CEP290: variants seen among roughly 807,000 people sequenced by gnomAD.
CEP290 encodes the protein centrosomal protein of 290 kDa.
Under a neutral mutation model 344.9 loss-of-function variants are expected in CEP290, and 317 were observed. The ratio of observed to expected loss-of-function variants is 0.92; its 90% CI spans 0.84 to 1.01. CEP290 has a LOEUF of 1.01. Among genes scored for constraint, CEP290 ranks in the 50% least tolerant of loss-of-function variants. The probability of loss-of-function intolerance (pLI) is 0.00; values close to 1 mark genes in which losing one functional copy is unlikely to be tolerated. For synonymous variants in CEP290, 932 were observed against 895.8 expected, an observed-to-expected ratio of 1.04 and a Z score of -0.72; for missense variants, 2,754 against 2,761.4, an observed-to-expected ratio of 1.00 and a Z score of 0.06.
chr12:88,109,007 C>T, intron 23 of CEP290, 59 bp downstream of exon 23: 1 of 575,960 alleles, frequency 1.7e-6, no homozygotes, highest in Non-Finnish European at 3.0e-6. Context: ...TCTTACGTTA[C>T]TTTCACAATT....
intron 12 of CEP290, among the ~76,000 whole-genome samples, chr12:88,125,788 T>A (rs1355614094): frequency 6.6e-6 from 1 of 152,100 alleles, no homozygotes; most frequent in Non-Finnish European, 1.5e-5. Flanking sequence ...GTAATTGTTC[T>A]TATTCAGCAT....
intron 11 of CEP290, among the ~76,000 whole-genome samples, 199 bp from the exon 12 acceptor site, chr12:88,126,637 T>A (rs2039749801): frequency 6.6e-6 from 1 of 152,106 alleles, no homozygotes; most frequent in Non-Finnish European, 1.5e-5. Flanking sequence ...AGAAAATGAT[T>A]TTAAAATATA....
rs1468563363 is a variant in CEP290, at chr12:88,111,765, T to C, written c.2146A>G (p.Arg716Gly). The C allele has an allele frequency of 6.2e-7, 1 of 1,607,276 alleles. No individual in the cohort carries two copies. Among genetic ancestry groups the C allele is most frequent in the Admixed American group, 1.7e-5 (1 of 58,910 alleles). The change falls in exon 21 of 54, where the codon AGA (arginine) becomes GGA (glycine). Residue 716 changes from arginine to glycine, a missense_variant. Coordinates refer to ENST00000552810, the MANE Select transcript of CEP290 (RefSeq NM_025114.4). ...TTCCGAGATTCCCTGAGCTCCTGTC[T>C]TAATTCTTCATTTCTTCCGGTAAGC... ...DQLTGRNEELRQELRESRKEA... is the reference protein window; with the variant it reads ...DQLTGRNEELGQELRESRKEA...
At chr12:88,092,411 T>G (rs572669052) in intron 29 of CEP290, among the ~76,000 whole-genome samples, 2 of 152,098 alleles carry the variant, frequency 1.3e-5, no homozygotes. Flanking sequence ...AAAATCAATA[T>G]GTGGAGGAAC....
intron 2 of CEP290, 72 bp downstream of exon 2, chr12:88,141,133 AT>A (rs1565932954): frequency 5.4e-6 from 7 of 1,306,860 alleles, no homozygotes; most frequent in East Asian, 2.7e-5. Context: ...CCTGAAAAAA[AT>A]AAATTCATAT....
chr12:88,052,836 T>C (rs2033670832), intron 52 of CEP290, among the ~76,000 whole-genome samples: 1 of 152,148 alleles, frequency 6.6e-6, no homozygotes, highest in African/African-American at 2.4e-5. Context: ...TCAAATCCCT[T>C]CCACCAGGCC....
chr12:88,117,048 A>C lies in CEP290; in HGVS notation c.1809T>G (p.Ser603Arg), dbSNP rs1305945843. ...TTACTATTACCTTTGATTGTGCTTCACTCATATTTTTGAGGCTCAATAAAT... is the reference window on the plus strand; with the variant it reads ...TTACTATTACCTTTGATTGTGCTTCCCTCATATTTTTGAGGCTCAATAAAT... ...KLDLLSLKNM[S>R]EAQSKNEFLS... is the part of the protein sequence containing the mutation. Residue 603 changes from serine (S) to arginine (R), a missense_variant, in exon 18 of 54, where the codon AGT becomes AGG. Physicochemically the swap from Ser to Arg is moderately radical, Grantham distance 110. Coordinates refer to ENST00000552810, the MANE Select transcript of CEP290 (RefSeq NM_025114.4). 2 of 1,480,004 alleles carry C rather than the reference A, an allele frequency of 1.4e-6. No individual in the cohort carries two copies. The highest frequency in any genetic ancestry group is 4.7e-5 in the East Asian group (2 of 42,358). 91.7% of individuals were successfully genotyped at this position (1,480,004 alleles called of 1,614,324 possible). A position where few individuals can be genotyped will look rare whatever the true frequency, so the allele number is the denominator to read the frequency against.
chr12:88,086,111 G>A lies in CEP290; in HGVS notation c.4365C>T (p.Ile1455=), dbSNP rs552731286. ...TGTTCTCCTTAATTTTCCTTAGAGCGATCTCAAGTTGATTTGGAAGGGGCA... is the reference window on the plus strand; with the variant it reads ...TGTTCTCCTTAATTTTCCTTAGAGCAATCTCAAGTTGATTTGGAAGGGGCA... ...PSLPLPNQLE[I]ALRKIKENIR... is the part of the protein sequence containing the mutation. The change falls in exon 34 of 54, where the codon ATC becomes ATT. Residue 1455 remains isoleucine, a synonymous_variant. Transcript: ENST00000552810. The A allele has an allele frequency of 3.1e-6, 5 of 1,612,826 alleles. No individual in the cohort carries two copies. The highest frequency in any genetic ancestry group is 3.3e-5 in the Admixed American group (2 of 59,952).
chr12:88,139,002 T>A, intron 5 of CEP290, 143 bp downstream of exon 5: 1 of 523,132 alleles, frequency 1.9e-6, no homozygotes, highest in Non-Finnish European at 3.5e-6. Context: ...ATAATAGGCA[T>A]GTAGAACATA....
chr12:88,117,855 G>C (rs1322095759), intron 17 of CEP290, among the ~76,000 whole-genome samples: 1 of 151,914 alleles, frequency 6.6e-6, no homozygotes, highest in Non-Finnish European at 1.5e-5. Context: ...GGCCAACATG[G>C]TGAAACCCTG....
chr12:88,060,347 CAGG>C (rs993211322), intron 47 of CEP290, among the ~76,000 whole-genome samples: 104 of 152,288 alleles, frequency 6.8e-4, no homozygotes, highest in African/African-American at 2.5e-3. Flanking sequence ...ATCACGAGGT[CAGG>C]AGATCGAGAC....
At position 88,077,206 on chromosome 12, in the gene CEP290, A is replaced by G; in HGVS notation, c.5709+16T>C. ...CACTACCTTAAGCATATAAGTCAGT[A>G]TGTTTCTTCACATACCTTTTCTTTC... On this transcript the variant is annotated intron_variant, in intron 41 of 53. Transcript: ENST00000552810. The G allele has an allele frequency of 1.3e-6, 2 of 1,598,062 alleles. No individual in the cohort carries two copies. Among genetic ancestry groups the G allele is most frequent in the Non-Finnish European group, 1.7e-6 (2 of 1,174,786 alleles).
At chr12:88,115,238 A>G (rs2137797628) in intron 18 of CEP290, 56 bp from the exon 19 acceptor site, 1 of 969,126 alleles carries the variant, frequency 1.0e-6, no homozygotes, top group African/African-American at 1.7e-5. Flanking sequence ...TCACAAGTCT[A>G]TAATTTTCAA....
intron 7 of CEP290, among the ~76,000 whole-genome samples, chr12:88,130,957 T>C (rs1038693052): frequency 2.0e-5 from 3 of 152,114 alleles, no homozygotes; most frequent in Non-Finnish European, 1.5e-5. Flanking sequence ...TTTACCCGCA[T>C]AGACCTGAGA....
chr12:88,114,876 A>G (rs988956234), intron 19 of CEP290, among the ~76,000 whole-genome samples: 7 of 152,172 alleles, frequency 4.6e-5, no homozygotes, highest in Non-Finnish European at 1.0e-4. Context: ...AAGAAAAAGG[A>G]GTTATATATT....
intron 26 of CEP290, among the ~76,000 whole-genome samples, chr12:88,099,680 G>T (rs932736793): frequency 6.6e-6 from 1 of 151,940 alleles, no homozygotes; most frequent in Non-Finnish European, 1.5e-5. Flanking sequence ...AAATAAGCAC[G>T]ATAAGGTAAT....
At chr12:88,139,947 G>T (rs1418565391) in intron 3 of CEP290, among the ~76,000 whole-genome samples, 1 of 152,024 alleles carries the variant, frequency 6.6e-6, no homozygotes, top group Non-Finnish European at 1.5e-5. Flanking sequence ...GTACAGGCAA[G>T]GACTCACTAT....
intron 25 of CEP290, 50 bp from the exon 26 acceptor site, chr12:88,103,061 C>A (rs2471532): frequency 7.8e-7 from 1 of 1,281,592 alleles, no homozygotes; most frequent in East Asian, 3.0e-5. Context: ...TTTTTCTGGT[C>A]AAGCACTAGC....
chr12:88,124,311 A>G (rs559865498), intron 13 of CEP290, among the ~76,000 whole-genome samples: 2 of 152,228 alleles, frequency 1.3e-5, no homozygotes, highest in African/African-American at 4.8e-5. Context: ...GTTCTCAGAC[A>G]TGATTGGTAC....
Sources: gnomAD v4.1 joint callset for allele counts (sites outside exome capture counted in the v4.1 genomes callset) on GRCh38, gnomAD v4.1.1 for gene constraint, MANE v1.5 for transcripts, NCBI Gene and HGNC (gene_info 2026-07-23, HGNC 2026-07-21) for gene names.